Variants in ANK3 observed in about 807,000 individuals in gnomAD.
The protein encoded by ANK3 is ankyrin 3.
Under a neutral mutation model 370.9 loss-of-function variants are expected in ANK3, and 57 were observed. The observed-to-expected ratio is 0.15, with a 90% CI of 0.12 to 0.19. The LOEUF (loss-of-function observed/expected upper bound fraction) is 0.19. ANK3 is among the 10% of genes least tolerant of loss of function. ANK3 has a pLI of 1.00. For synonymous variants in ANK3, 1,929 were observed against 1,946.3 expected, an observed-to-expected ratio of 0.99 and a Z score of 0.23; for missense variants, 4,439 against 5,302.1, an observed-to-expected ratio of 0.84 and a Z score of 5.06.
intron 1 of ANK3, among the ~76,000 whole-genome samples, chr10:60,719,950 G>T (rs923202228): frequency 6.6e-6 from 1 of 152,108 alleles, no homozygotes; most frequent in Non-Finnish European, 1.5e-5. Flanking sequence ...ATAGAAGAGA[G>T]ATTAGCTTCA....
intron 1 of ANK3, among the ~76,000 whole-genome samples, chr10:60,367,545 C>T (rs978644949): frequency 2.6e-5 from 4 of 152,212 alleles, no homozygotes; most frequent in African/African-American, 9.7e-5. Flanking sequence ...AAGCTTTTCT[C>T]CTTCAGGCAG....
intron 1 of ANK3, among the ~76,000 whole-genome samples, chr10:60,673,147 A>G (rs2079082974): frequency 6.6e-6 from 1 of 151,904 alleles, no homozygotes; most frequent in Admixed American, 6.6e-5. Flanking sequence ...ATAATTCTTG[A>G]ATATTTAGAA....
chr10:60,477,189 C>T (rs1304744011), intron 2 of ANK3, among the ~76,000 whole-genome samples: 2 of 151,876 alleles, frequency 1.3e-5, no homozygotes, highest in Non-Finnish European at 2.9e-5. Flanking sequence ...AAAAAATTAA[C>T]ATCTTTCTGG....
At chr10:60,700,343 C>T (rs566474980) in intron 1 of ANK3, among the ~76,000 whole-genome samples, 7 of 152,118 alleles carry the variant, frequency 4.6e-5, no homozygotes, top group African/African-American at 1.7e-4. Flanking sequence ...ATTTAAAATG[C>T]CTAAATCTTA....
At chr10:60,243,765 G>A (rs1592345281) in intron 7 of ANK3, among the ~76,000 whole-genome samples, 1 of 152,176 alleles carries the variant, frequency 6.6e-6, no homozygotes, top group Non-Finnish European at 1.5e-5. Flanking sequence ...AGGATATTAT[G>A]AAATAATTTG....
intron 2 of ANK3, among the ~76,000 whole-genome samples, chr10:60,412,173 C>T (rs923307611): frequency 2.6e-5 from 4 of 151,930 alleles, no homozygotes; most frequent in Non-Finnish European, 4.4e-5. Flanking sequence ...CTTGACTGGC[C>T]GTGCAGGGTG....
chr10:60,632,367 T>C (rs2078496120), intron 1 of ANK3, among the ~76,000 whole-genome samples: 2 of 152,258 alleles, frequency 1.3e-5, no homozygotes, highest in South Asian at 4.1e-4. Flanking sequence ...AAACATTTGC[T>C]TTCCAAAAAT....
chr10:60,140,848 T>C (rs942327553), intron 23 of ANK3: 15 of 990,806 alleles, frequency 1.5e-5, no homozygotes, highest in African/African-American at 1.2e-4. Flanking sequence ...ACAGCCTTCA[T>C]GTAGGGAGAG....
At chr10:60,172,040 CAAAT>C (rs1377194941) in intron 21 of ANK3, among the ~76,000 whole-genome samples, 1 of 152,100 alleles carries the variant, frequency 6.6e-6, no homozygotes, top group Non-Finnish European at 1.5e-5. Flanking sequence ...TCAAAGCAAA[CAAAT>C]AAATAAATAC....
chr10:60,189,791 T>A (rs2096437625), intron 16 of ANK3, among the ~76,000 whole-genome samples: 1 of 152,216 alleles, frequency 6.6e-6, no homozygotes. Flanking sequence ...TTGCCACATG[T>A]GCTTTTGCAT....
At chr10:60,669,109 T>C (rs182390608) in intron 1 of ANK3, among the ~76,000 whole-genome samples, 12 of 152,354 alleles carry the variant, frequency 7.9e-5, no homozygotes, top group Middle Eastern at 3.4e-3. Context: ...AGACCTATGT[T>C]GTCTCCACAC....
intron 7 of ANK3, among the ~76,000 whole-genome samples, chr10:60,236,333 T>C (rs1230434866): frequency 1.3e-5 from 2 of 150,678 alleles, no homozygotes; most frequent in Non-Finnish European, 1.5e-5. Context: ...CAAGACCCCC[T>C]CCATGTTCAA....
At chr10:60,662,418 C>G (rs2133373405) in intron 1 of ANK3, among the ~76,000 whole-genome samples, 1 of 152,168 alleles carries the variant, frequency 6.6e-6, no homozygotes, top group Non-Finnish European at 1.5e-5. Flanking sequence ...CAACAAAATT[C>G]TGGGGAAAAT....
chr10:60,214,469 G>A (rs961464503), intron 8 of ANK3, among the ~76,000 whole-genome samples: 4 of 152,012 alleles, frequency 2.6e-5, no homozygotes, highest in Admixed American at 6.6e-5. Flanking sequence ...TGCCATGGTG[G>A]TTTGCTGTAC....
intron 8 of ANK3, among the ~76,000 whole-genome samples, chr10:60,231,574 C>T (rs1265825541): frequency 6.6e-6 from 1 of 152,152 alleles, no homozygotes; most frequent in Non-Finnish European, 1.5e-5. Context: ...ATTCTCCTTT[C>T]TATTTTTAGG....
intron 1 of ANK3, among the ~76,000 whole-genome samples, chr10:60,709,728 T>C (rs2079674848): frequency 1.3e-5 from 2 of 150,800 alleles, no homozygotes. Flanking sequence ...CTCAGGAGGC[T>C]GAGATGGGAG....
intron 2 of ANK3, among the ~76,000 whole-genome samples, chr10:60,526,514 G>A (rs1385699319): frequency 1.3e-5 from 2 of 152,042 alleles, no homozygotes; most frequent in African/African-American, 4.8e-5. Context: ...GATTATTCCA[G>A]ATCGTTGTGA....
chr10:60,715,245 G>GTA (rs1554815940), intron 1 of ANK3, among the ~76,000 whole-genome samples: 2 of 150,968 alleles, frequency 1.3e-5, no homozygotes, highest in Admixed American at 6.6e-5. Context: ...GTGTGTGTGT[G>GTA]TATAAAATTG....
At chr10:60,475,065 C>T (rs1490067768) in intron 2 of ANK3, among the ~76,000 whole-genome samples, 1 of 152,052 alleles carries the variant, frequency 6.6e-6, no homozygotes, top group African/African-American at 2.4e-5. Context: ...CATTCACATC[C>T]AATCAGAAAT....
Sources: allele counts gnomAD v4.1 joint callset (sites outside exome capture counted in the v4.1 genomes callset), GRCh38; gene constraint gnomAD v4.1.1; transcripts MANE v1.5; gene names NCBI Gene and HGNC (gene_info 2026-07-23, HGNC 2026-07-21).